The following KCNJ3 variants were observed in gnomAD, a reference collection of about 807,000 sequenced individuals.
KCNJ3 encodes the protein G protein-activated inward rectifier potassium channel 1.
KCNJ3 carries 4 observed loss-of-function variants against 39.2 expected under a neutral mutation model. The ratio of observed to expected loss-of-function variants is 0.10; its 90% confidence interval spans 0.05 to 0.23. The LOEUF (loss-of-function observed/expected upper bound fraction) is 0.23. Among genes scored for constraint, KCNJ3 ranks in the 10% least tolerant of loss-of-function variants. The probability of loss-of-function intolerance (pLI) is 1.00; values close to 1 mark genes in which losing one functional copy is unlikely to be tolerated. For missense variants in KCNJ3, 276 were observed against 634.9 expected (o/e 0.43, Z 6.08); for synonymous variants, 230 against 237.4 (o/e 0.97, Z 0.29).
At chr2:154,801,002 AG>A (rs1363579592) in intron 2 of KCNJ3, among the ~76,000 whole-genome samples, 3 of 152,082 alleles carry the variant, frequency 2.0e-5, no homozygotes. Context: ...GACATCTATT[AG>A]TTGTTTTAGC....
At chr2:154,850,715 C>T (rs1687744993) in intron 2 of KCNJ3, among the ~76,000 whole-genome samples, 1 of 152,092 alleles carries the variant, frequency 6.6e-6, no homozygotes. Flanking sequence ...GAAAAACAAA[C>T]AAAGGTTAAG....
intron 2 of KCNJ3, among the ~76,000 whole-genome samples, chr2:154,849,576 A>T (rs1260463277): frequency 6.6e-6 from 1 of 152,114 alleles, no homozygotes; most frequent in Non-Finnish European, 1.5e-5. Flanking sequence ...TGATTGTGTG[A>T]TATTTTCTGT....
At chr2:154,705,391 G>A (rs924050895) in intron 1 of KCNJ3, among the ~76,000 whole-genome samples, 2 of 152,034 alleles carry the variant, frequency 1.3e-5, no homozygotes, top group Non-Finnish European at 2.9e-5. Flanking sequence ...CTTAACAGTC[G>A]CCCTCTGTAA....
At chr2:154,845,334 G>A (rs555342300) in intron 2 of KCNJ3, among the ~76,000 whole-genome samples, 1 of 151,954 alleles carries the variant, frequency 6.6e-6, no homozygotes, top group South Asian at 2.1e-4. Flanking sequence ...GTTCAGGCTG[G>A]TCTCGAACTC....
At chr2:154,773,885 AT>A (rs1301878711) in intron 2 of KCNJ3, among the ~76,000 whole-genome samples, 1 of 152,158 alleles carries the variant, frequency 6.6e-6, no homozygotes, top group Non-Finnish European at 1.5e-5. Context: ...TTACAAATGT[AT>A]TAGTCTGTTA....
intron 2 of KCNJ3, among the ~76,000 whole-genome samples, chr2:154,853,743 G>A (rs192037608): frequency 6.6e-6 from 1 of 152,200 alleles, no homozygotes; most frequent in East Asian, 1.9e-4. Flanking sequence ...ATATTCACAA[G>A]TTGACTGATT....
chr2:154,700,382 C>T (rs1349665287), intron 1 of KCNJ3, among the ~76,000 whole-genome samples: 1 of 152,182 alleles, frequency 6.6e-6, no homozygotes, highest in Non-Finnish European at 1.5e-5. Flanking sequence ...TTCTTAATCA[C>T]TCATCCAATT....
intron 2 of KCNJ3, among the ~76,000 whole-genome samples, chr2:154,789,224 T>A (rs145891560): frequency 6.6e-6 from 1 of 152,034 alleles, no homozygotes; most frequent in African/African-American, 2.4e-5. Flanking sequence ...GAAGTTACCA[T>A]GTACCTAGGC....
At chr2:154,781,278 A>T (rs1686433643) in intron 2 of KCNJ3, among the ~76,000 whole-genome samples, 1 of 152,230 alleles carries the variant, frequency 6.6e-6, no homozygotes, top group Non-Finnish European at 1.5e-5. Context: ...TTTTTATAAC[A>T]AATAAGTTTG....
In KCNJ3 at chr2:154,751,508, C is replaced by A. The variant is rs548243187; in HGVS notation, c.919+41689C>A. On this transcript the variant is annotated intron_variant, in intron 2 of 2. Coordinates refer to ENST00000295101, the MANE Select transcript of KCNJ3 (RefSeq NM_002239.4). ...GGATATGTCCTATATGATCTGCATC[C>A]ATTCACGTATCCATTTTTATTATGT... Among the ~76,000 whole-genome samples the A allele has an allele frequency of 2.8e-3, 420 of 152,100 alleles. 3 individuals carry two copies. Among genetic ancestry groups the A allele is most frequent in the African/African-American group, 9.6e-3 (400 of 41,522 alleles).
intron 2 of KCNJ3, among the ~76,000 whole-genome samples, chr2:154,835,684 C>A (rs1343584418): frequency 6.6e-6 from 1 of 151,896 alleles, no homozygotes; most frequent in African/African-American, 2.4e-5. Flanking sequence ...TTTACCCAAC[C>A]TTCCTCCTTT....
chr2:154,721,305 G>T (rs1685260398), intron 2 of KCNJ3, among the ~76,000 whole-genome samples: 1 of 152,062 alleles, frequency 6.6e-6, no homozygotes, highest in South Asian at 2.1e-4. Flanking sequence ...ATGCTGTGTA[G>T]CACACTGATC....
intron 2 of KCNJ3, among the ~76,000 whole-genome samples, chr2:154,710,412 G>T (rs1257304611): frequency 1.3e-5 from 2 of 152,090 alleles, no homozygotes; most frequent in Non-Finnish European, 2.9e-5. Context: ...CTCCTGTATA[G>T]CTATGTGCTA....
chr2:154,806,352 G>A (rs887274093), intron 2 of KCNJ3, among the ~76,000 whole-genome samples: 1 of 152,120 alleles, frequency 6.6e-6, no homozygotes, highest in Non-Finnish European at 1.5e-5. Flanking sequence ...TGTTACACAA[G>A]CAGTGGGTTT....
At chr2:154,799,681 C>T (rs1280010718) in intron 2 of KCNJ3, among the ~76,000 whole-genome samples, 1 of 152,150 alleles carries the variant, frequency 6.6e-6, no homozygotes, top group Non-Finnish European at 1.5e-5. Flanking sequence ...TCAGGTTCTT[C>T]TTTAAGTGTA....
chr2:154,722,483 G>A (rs948069712), intron 2 of KCNJ3, among the ~76,000 whole-genome samples: 1 of 152,196 alleles, frequency 6.6e-6, no homozygotes, highest in Non-Finnish European at 1.5e-5. Flanking sequence ...TGTAAGAGAA[G>A]AGAAGAACTT....
chr2:154,788,136 A>G (rs937844160), intron 2 of KCNJ3, among the ~76,000 whole-genome samples: 1 of 152,176 alleles, frequency 6.6e-6, no homozygotes, highest in Non-Finnish European at 1.5e-5. Context: ...ATTAAGATAC[A>G]GAAAAGGAGG....
intron 2 of KCNJ3, among the ~76,000 whole-genome samples, chr2:154,788,754 A>C (rs1409376871): frequency 6.6e-6 from 1 of 151,342 alleles, no homozygotes; most frequent in African/African-American, 2.4e-5. Context: ...GGAAAATATC[A>C]GTATGTGAGT....
intron 2 of KCNJ3, among the ~76,000 whole-genome samples, chr2:154,775,344 A>G (rs1414089811): frequency 1.3e-5 from 2 of 152,172 alleles, no homozygotes; most frequent in Admixed American, 6.5e-5. Context: ...ATCATTTCAA[A>G]GATGCTTGGT....
Sources: gnomAD v4.1 joint callset for allele counts (sites outside exome capture counted in the v4.1 genomes callset) on GRCh38, gnomAD v4.1.1 for gene constraint, MANE v1.5 for transcripts, NCBI Gene and HGNC (gene_info 2026-07-23, HGNC 2026-07-21) for gene names.